NWD2: variants seen among roughly 807,000 people sequenced by gnomAD.
NWD2 encodes the protein NACHT and WD repeat domain containing 2.
In NWD2, 37 loss-of-function variants were observed where a neutral mutation model predicts 132.7. The ratio of observed to expected loss-of-function variants is 0.28; its 90% confidence interval spans 0.21 to 0.37. The LOEUF is 0.37. Among genes scored for constraint, NWD2 ranks in the 10% least tolerant of loss-of-function variants. The pLI, the probability that NWD2 is intolerant of heterozygous loss-of-function variation, is 1.00. For synonymous variants in NWD2, 705 were observed against 803.0 expected (o/e 0.88, Z 2.06); for missense variants, 1,592 against 2,122.4 (o/e 0.75, Z 4.91).
intron 5 of NWD2, among the ~76,000 whole-genome samples, chr4:37,437,397 A>C (rs1712349556): frequency 6.6e-6 from 1 of 152,200 alleles, no homozygotes; most frequent in African/African-American, 2.4e-5. Context: ...CTCTGCCCTC[A>C]TGAACTAATT....
At chr4:37,261,538 A>T (rs141317185) in intron 1 of NWD2, among the ~76,000 whole-genome samples, 1 of 152,224 alleles carries the variant, frequency 6.6e-6, no homozygotes, top group Non-Finnish European at 1.5e-5. Flanking sequence ...CAAGAATCAT[A>T]CAAGTATTTA....
At chr4:37,364,169 A>G (rs1392154268) in intron 3 of NWD2, among the ~76,000 whole-genome samples, 1 of 152,064 alleles carries the variant, frequency 6.6e-6, no homozygotes, top group Non-Finnish European at 1.5e-5. Flanking sequence ...GACAACTTAC[A>G]CTCTGCTGTC....
At chr4:37,394,847 A>T (rs1338895867) in intron 3 of NWD2, among the ~76,000 whole-genome samples, 1 of 107,904 alleles carries the variant, frequency 9.3e-6, no homozygotes, top group Non-Finnish European at 1.7e-5. Context: ...GCCTCCCTCC[A>T]CTGCCCAGGC....
At chr4:37,420,749 T>C (rs1301844433) in intron 3 of NWD2, among the ~76,000 whole-genome samples, 1 of 152,166 alleles carries the variant, frequency 6.6e-6, no homozygotes, top group African/African-American at 2.4e-5. Flanking sequence ...TGTCTTAGCA[T>C]GACCAACTGT....
intron 3 of NWD2, among the ~76,000 whole-genome samples, chr4:37,395,036 C>T (rs1445335252): frequency 6.6e-6 from 1 of 151,284 alleles, no homozygotes; most frequent in Non-Finnish European, 1.5e-5. Flanking sequence ...TGGTCTCAAA[C>T]TCCTGACCTC....
At chr4:37,272,268 A>G (rs1227056951) in intron 1 of NWD2, among the ~76,000 whole-genome samples, 2 of 151,592 alleles carry the variant, frequency 1.3e-5, no homozygotes, top group African/African-American at 4.8e-5. Flanking sequence ...TAGTTTTCTC[A>G]TAATATGTTT....
At position 37,433,895 on chromosome 4, in the gene NWD2, C is replaced by G. The variant is rs1237735531; in HGVS notation, c.581C>G (p.Ala194Gly). 1 of 1,545,398 alleles carries G rather than the reference C, an allele frequency of 6.5e-7. No homozygotes were observed. ...CTATAGATGCAGCCTTCTACCAATG[C>G]TGAAAACGAGAAGACATGGCAAGAG... ...NRNAMQPSTNAENEKTWQEIS... is the reference protein window; with the variant it reads ...NRNAMQPSTNGENEKTWQEIS... Residue 194 changes from alanine to glycine, a missense_variant, in exon 5 of 7, where the codon GCT (alanine) becomes GGT (glycine). By Grantham distance (60) the Ala-to-Gly change is moderately conservative. This residue lies in a region of NWD2 where 144 missense variants were observed against 185.7 expected (regional missense o/e 0.78). Transcript: ENST00000309447.
At chr4:37,372,972 A>C (rs1304963367) in intron 3 of NWD2, among the ~76,000 whole-genome samples, 1 of 152,270 alleles carries the variant, frequency 6.6e-6, no homozygotes, top group Non-Finnish European at 1.5e-5. Flanking sequence ...ATACAACGCA[A>C]AGAAAATTCA....
intron 3 of NWD2, among the ~76,000 whole-genome samples, chr4:37,377,992 C>T (rs558898519): frequency 4.6e-5 from 7 of 151,874 alleles, no homozygotes; most frequent in South Asian, 2.1e-4. Flanking sequence ...CAAAACAGTA[C>T]GTTGTACCCT....
intron 1 of NWD2, among the ~76,000 whole-genome samples, chr4:37,315,102 T>C (rs1004112169): frequency 1.6e-4 from 25 of 152,108 alleles, no homozygotes; most frequent in African/African-American, 5.5e-4. Flanking sequence ...CTTCCCAAAA[T>C]GCAGGTTGTT....
chr4:37,247,799 G>A (rs537495230), intron 1 of NWD2, among the ~76,000 whole-genome samples: 39 of 152,046 alleles, frequency 2.6e-4, no homozygotes, highest in East Asian at 2.5e-3. Flanking sequence ...TAGTAGCAAC[G>A]GGGTTTCGTC....
chr4:37,262,002 A>T (rs889693198), intron 1 of NWD2, among the ~76,000 whole-genome samples: 11 of 152,232 alleles, frequency 7.2e-5, no homozygotes, highest in African/African-American at 2.4e-4. Flanking sequence ...AGGTCATTGT[A>T]CTGGAAAGTA....
chr4:37,348,846 A>ACAACAGGCCCCTGTGTGTGATGTTCCCCT (rs1719702543), intron 2 of NWD2, among the ~76,000 whole-genome samples: 1 of 149,936 alleles, frequency 6.7e-6, no homozygotes, highest in Non-Finnish European at 1.5e-5. Flanking sequence ...ACCCCACCCC[A>ACAACAGGCCCCTGTGTGTGATGTTCCCCT]CAACAGGCCC....
chr4:37,291,705 G>T (rs1718364448), intron 1 of NWD2, among the ~76,000 whole-genome samples: 1 of 152,000 alleles, frequency 6.6e-6, no homozygotes, highest in African/African-American at 2.4e-5. Context: ...AGAGGATAGT[G>T]TTACTAAAAT....
Position 37,348,677 on chromosome 4 carries a change from C to T in NWD2, c.241-7689C>T, listed in dbSNP as rs199663288. ...ATATATATATATATATATATATATA[C>T]ACACACACACACACACACACACACA... On this transcript the variant is annotated intron_variant, in intron 2 of 6. Transcript: ENST00000309447. Among the ~76,000 whole-genome samples, 499 of 89,482 alleles carry T rather than the reference C, an allele frequency of 5.6e-3. 1 individual carries two copies. Among genetic ancestry groups the T allele is most frequent in the East Asian group, 0.021 (51 of 2,386 alleles). The allele number at this position is 89,482 out of a possible 152,430, so 58.7% of individuals were successfully genotyped here.
At chr4:37,268,215 A>G (rs1019712888) in intron 1 of NWD2, among the ~76,000 whole-genome samples, 3 of 151,856 alleles carry the variant, frequency 2.0e-5, no homozygotes, top group African/African-American at 7.3e-5. Flanking sequence ...TCCTGTTTTT[A>G]CACATTCCCC....
chr4:37,293,937 T>A (rs1236065170), intron 1 of NWD2, among the ~76,000 whole-genome samples: 1 of 151,402 alleles, frequency 6.6e-6, no homozygotes, highest in African/African-American at 2.4e-5. Flanking sequence ...GACCTATCAC[T>A]GAACATTCTT....
chr4:37,446,947 G>A lies in NWD2; in HGVS notation c.4959G>A (p.Leu1653=). 1 of 1,551,476 alleles carries A rather than the reference G, an allele frequency of 6.4e-7. No homozygotes were observed. Among genetic ancestry groups the A allele is most frequent in the Non-Finnish European group, 8.7e-7 (1 of 1,146,956 alleles). Residue 1653 remains leucine, a synonymous_variant, in exon 7 of 7, where the codon CTG becomes CTA. Transcript: ENST00000309447. This position sits in a 1 kb window ranked among gnomAD's most constrained non-coding sequence, Gnocchi z 6.7. ...YTVVDRVDAA[L]KIKIATSNSR... is the part of the protein sequence containing the mutation. ...TAGTAGACCGTGTAGATGCTGCACT[G>A]AAAATCAAAATTGCCACTTCAAATA...
rs141776838 is a variant in NWD2, at chr4:37,334,333, A to G, written c.240+8309A>G. 9.7e-4 allele frequency among the ~76,000 whole-genome samples: 147 copies of G among 151,790 alleles called. 1 individual carries two copies. The highest frequency in any genetic ancestry group is 3.2e-3 in the African/African-American group (135 of 41,548). Reference sequence around the variant, plus strand: ...TAGGATCTCTCTTTAATGTAGTTCCAGCTTCGTTTTCAACTCTTCCCCACG... The same window carrying G: ...TAGGATCTCTCTTTAATGTAGTTCCGGCTTCGTTTTCAACTCTTCCCCACG... On this transcript the variant is annotated intron_variant, in intron 2 of 6. Transcript: ENST00000309447.
Sources: allele counts gnomAD v4.1 joint callset (sites outside exome capture counted in the v4.1 genomes callset), GRCh38; gene constraint gnomAD v4.1.1; regional missense constraint gnomAD v4.1.1; non-coding constraint Gnocchi (gnomAD v3.1); transcripts MANE v1.5; gene names NCBI Gene and HGNC (gene_info 2026-07-23, HGNC 2026-07-21).